EYS: variants seen among roughly 807,000 people sequenced by gnomAD.
EYS encodes the protein EGF-like photoreceptor maintenance factor.
Under a neutral mutation model 282.1 loss-of-function variants are expected in EYS, and 250 were observed. That is an observed-to-expected ratio of 0.89 (90% CI 0.80 to 0.98). EYS has a LOEUF of 0.98. Ranked by LOEUF, EYS falls within the 50% of genes least tolerant of loss-of-function variation. The pLI, the probability that EYS is intolerant of heterozygous loss-of-function variation, is 0.00. For synonymous variants in EYS, 1,355 were observed against 1,282.9 expected (o/e 1.06, Z -1.20); for missense variants, 4,016 against 3,709.0 (o/e 1.08, Z -2.15).
intron 33 of EYS, among the ~76,000 whole-genome samples, chr6:64,060,207 T>C (rs1771117797): frequency 6.6e-6 from 1 of 152,156 alleles, no homozygotes. Context: ...ATGTGAAAAG[T>C]TTTTATATAT....
chr6:64,331,019 C>T (rs1770628139), intron 29 of EYS, among the ~76,000 whole-genome samples: 1 of 152,150 alleles, frequency 6.6e-6, no homozygotes, highest in African/African-American at 2.4e-5. Context: ...CTGATGAAAG[C>T]AGCTTCATAT....
intron 2 of EYS, among the ~76,000 whole-genome samples, chr6:65,614,503 C>T (rs1303987646): frequency 6.6e-6 from 1 of 151,956 alleles, no homozygotes; most frequent in Non-Finnish European, 1.5e-5. Flanking sequence ...TGGATGTAGT[C>T]CAATGAATGT....
chr6:64,503,735 A>G (rs553065299), intron 26 of EYS, among the ~76,000 whole-genome samples: 1 of 152,150 alleles, frequency 6.6e-6, no homozygotes, highest in South Asian at 2.1e-4. Flanking sequence ...TATTTAAGAG[A>G]GGAAGTTGAG....
At chr6:65,483,156 C>G (rs558242983) in intron 5 of EYS, among the ~76,000 whole-genome samples, 4 of 151,832 alleles carry the variant, frequency 2.6e-5, no homozygotes, top group African/African-American at 9.7e-5. Flanking sequence ...CTTAATTTTA[C>G]TTTTATAATG....
intron 22 of EYS, among the ~76,000 whole-genome samples, chr6:64,759,008 G>A (rs1214215651): frequency 5.9e-5 from 9 of 152,074 alleles, no homozygotes; most frequent in Admixed American, 2.6e-4. Flanking sequence ...ACGTGATGGC[G>A]GGCGCCTGTA....
At chr6:64,466,823 A>C (rs2150489303) in intron 26 of EYS, among the ~76,000 whole-genome samples, 1 of 152,300 alleles carries the variant, frequency 6.6e-6, no homozygotes, top group South Asian at 2.1e-4. Context: ...TTTACAATTT[A>C]TAGATATTTC....
chr6:64,966,328 T>C (rs991350675), intron 14 of EYS, among the ~76,000 whole-genome samples: 1 of 152,086 alleles, frequency 6.6e-6, no homozygotes, highest in Non-Finnish European at 1.5e-5. Flanking sequence ...GAAATTGGTG[T>C]TGGGGGGGGT....
rs1767601208 is a variant in EYS at position 64,626,123 on chromosome 6, G to C, written c.3566C>G (p.Pro1189Arg). 5 of 1,524,644 alleles carry C rather than the reference G, an allele frequency of 3.3e-6. No homozygotes were observed. Among genetic ancestry groups the C allele is most frequent in the Non-Finnish European group, 4.4e-6 (5 of 1,128,460 alleles). The allele number at this position is 1,524,644 out of a possible 1,614,324, so 94.4% of individuals were successfully genotyped here. Residue 1189 changes from proline to arginine, a missense_variant and splice_region_variant, in exon 23 of 43, where the codon CCA becomes CGA. Coordinates refer to ENST00000503581, the MANE Select transcript of EYS (RefSeq NM_001142800.2). ...HINGYVCKCQ[P>R]GWSGHHCENE... ...CTTATTATTTTTAAAATAATTACCT[G>C]GTTGGCATTTGCAAACATATCCATT...
chr6:63,941,133 G>A (rs9353371), intron 35 of EYS, among the ~76,000 whole-genome samples: 45,506 of 151,804 alleles, frequency 0.3, 6,913 homozygotes, highest in Admixed American at 0.38. Context: ...GAATAGTGCC[G>A]CAATAAACAT....
intron 12 of EYS, among the ~76,000 whole-genome samples, chr6:65,252,260 G>C (rs567323428): frequency 6.6e-6 from 1 of 151,872 alleles, no homozygotes; most frequent in Non-Finnish European, 1.5e-5. Flanking sequence ...AATCACCCCT[G>C]TGTTGCACAG....
intron 26 of EYS, among the ~76,000 whole-genome samples, chr6:64,505,089 G>A (rs1006326774): frequency 1.3e-5 from 2 of 152,156 alleles, no homozygotes; most frequent in African/African-American, 2.4e-5. Flanking sequence ...CTGTTGAGTC[G>A]AATGCTTAGT....
At chr6:64,766,210 G>A (rs1562179504) in intron 22 of EYS, among the ~76,000 whole-genome samples, 1 of 151,202 alleles carries the variant, frequency 6.6e-6, no homozygotes, top group Admixed American at 6.6e-5. Flanking sequence ...TTACAGACAT[G>A]AGCCACTGCA....
At chr6:65,233,165 G>A (rs1325088248) in intron 12 of EYS, among the ~76,000 whole-genome samples, 4 of 152,078 alleles carry the variant, frequency 2.6e-5, no homozygotes, top group Admixed American at 2.0e-4. Flanking sequence ...AATTTACCAT[G>A]TAGGCCCCAT....
chr6:65,452,320 AT>A (rs1764434544), intron 5 of EYS, among the ~76,000 whole-genome samples: 1 of 146,640 alleles, frequency 6.8e-6, no homozygotes, highest in Non-Finnish European at 1.5e-5. Flanking sequence ...AAGTAAGAAC[AT>A]GGAAAGATTT....
At chr6:64,201,367 G>A (rs1174535341) in intron 31 of EYS, among the ~76,000 whole-genome samples, 2 of 152,062 alleles carry the variant, frequency 1.3e-5, no homozygotes, top group Non-Finnish European at 2.9e-5. Flanking sequence ...GGGCAAAATA[G>A]TGAGCTATTA....
intron 31 of EYS, among the ~76,000 whole-genome samples, chr6:64,217,523 C>T (rs1025963556): frequency 1.3e-5 from 2 of 151,886 alleles, no homozygotes; most frequent in South Asian, 2.1e-4. Flanking sequence ...AGCAAGACTC[C>T]GTCCCCCTGC....
chr6:65,571,828 A>G (rs1764486721), intron 2 of EYS, among the ~76,000 whole-genome samples: 1 of 152,046 alleles, frequency 6.6e-6, no homozygotes, highest in Non-Finnish European at 1.5e-5. Context: ...ATGAAAATAT[A>G]TGTTTATGGA....
At chr6:64,977,667 GA>G (rs35684989) in intron 14 of EYS, among the ~76,000 whole-genome samples, 48,928 of 121,894 alleles carry the variant, frequency 0.4, 9,089 homozygotes, top group Admixed American at 0.53. Flanking sequence ...AGCTGTGAAT[GA>G]AAAAAAAAAA....
intron 31 of EYS, among the ~76,000 whole-genome samples, chr6:64,105,487 G>T (rs1052374882): frequency 3.9e-5 from 6 of 151,966 alleles, no homozygotes; most frequent in African/African-American, 1.4e-4. Flanking sequence ...TTCACTCTTG[G>T]TATTGTACAT....
Sources: gnomAD v4.1 joint callset for allele counts (sites outside exome capture counted in the v4.1 genomes callset) on GRCh38, gnomAD v4.1.1 for gene constraint, MANE v1.5 for transcripts, NCBI Gene and HGNC (gene_info 2026-07-23, HGNC 2026-07-21) for gene names.